Variants in SYT17 observed in about 807,000 individuals in gnomAD.
The protein encoded by SYT17 is synaptotagmin-17.
A neutral mutation model predicts 46.7 loss-of-function variants in SYT17; 22 were observed. The observed-to-expected ratio is 0.47, with a 90% confidence interval of 0.34 to 0.67. SYT17 has a LOEUF of 0.67. Ranked by LOEUF, SYT17 falls within the 30% of genes least tolerant of loss-of-function variation. The pLI is 0.01. For missense variants in SYT17, 519 were observed against 612.8 expected (o/e 0.85, Z 1.62); for synonymous variants, 251 against 248.4 (o/e 1.01, Z -0.10).
chr16:19,177,747 G>T (rs926489520), intron 3 of SYT17, among the ~76,000 whole-genome samples: 3 of 152,218 alleles, frequency 2.0e-5, no homozygotes, highest in Non-Finnish European at 4.4e-5. Context: ...GGCTGGGCTG[G>T]TGAAGATTAG....
At chr16:19,210,912 A>G (rs751066140) in intron 5 of SYT17, among the ~76,000 whole-genome samples, 8 of 152,210 alleles carry the variant, frequency 5.3e-5, no homozygotes, top group Non-Finnish European at 1.2e-4. Context: ...TCAGGAGGAG[A>G]GCTGGGCTCT....
intron 5 of SYT17, among the ~76,000 whole-genome samples, chr16:19,214,435 A>G (rs1966015307): frequency 6.6e-6 from 1 of 151,452 alleles, no homozygotes; most frequent in Non-Finnish European, 1.5e-5. Context: ...CCTGGGCTCA[A>G]TTGATCTTCC....
intron 5 of SYT17, among the ~76,000 whole-genome samples, chr16:19,222,137 G>T (rs978869400): frequency 3.3e-5 from 5 of 152,154 alleles, no homozygotes; most frequent in Non-Finnish European, 7.3e-5. Context: ...CATATCGAGG[G>T]CTTAGTTTAA....
chr16:19,248,343 C>T (rs1270839570), intron 7 of SYT17, among the ~76,000 whole-genome samples: 1 of 152,034 alleles, frequency 6.6e-6, no homozygotes, highest in African/African-American at 2.4e-5. Context: ...ATATATTTAC[C>T]ATCCAACCCA....
chr16:19,223,237 CT>C (rs2142869599), intron 6 of SYT17, 72 bp downstream of exon 6: 1 of 1,569,092 alleles, frequency 6.4e-7, no homozygotes. Flanking sequence ...ACCCAGTTTT[CT>C]TTTTCCGTAT....
chr16:19,174,154 T>G (rs1964219471), intron 3 of SYT17, among the ~76,000 whole-genome samples: 1 of 152,216 alleles, frequency 6.6e-6, no homozygotes, highest in African/African-American at 2.4e-5. Flanking sequence ...CAACGCTGTT[T>G]ATGTTCTCTC....
chr16:19,185,610 A>C (rs989865730), intron 5 of SYT17, among the ~76,000 whole-genome samples: 3 of 151,896 alleles, frequency 2.0e-5, no homozygotes, highest in Non-Finnish European at 1.5e-5. Flanking sequence ...CTCTTTAAAA[A>C]AAAAAAAAAG....
intron 5 of SYT17, among the ~76,000 whole-genome samples, chr16:19,188,535 A>AAAG (rs1045971387): frequency 4.0e-5 from 6 of 151,406 alleles, no homozygotes; most frequent in African/African-American, 9.7e-5. Context: ...AAAAAAAAAA[A>AAAG]AAAGAAAGAA....
Position 19,183,873 on chromosome 16 carries a change from A to G in SYT17, c.677A>G (p.His226Arg), listed in dbSNP as rs761401537. 1.1e-5 allele frequency: 17 copies of G among 1,614,044 alleles called. No individual in the cohort carries two copies. Among genetic ancestry groups the G allele is most frequent in the African/African-American group, 5.3e-5 (4 of 74,916 alleles). Residue 226 changes from histidine to arginine, a missense_variant, in exon 5 of 8, where the codon CAC becomes CGC. By Grantham distance (29) the His-to-Arg change is conservative. Coordinates refer to ENST00000355377, the MANE Select transcript of SYT17 (RefSeq NM_016524.4). This position sits in a 1 kb window ranked among gnomAD's most constrained non-coding sequence, Gnocchi z 5.6. ...GATGGCTCGCGCCAGGACATGGCGC[A>G]CTCCAACCCCTACGTCAAGATCTGT... ...SHDGSRQDMA[H>R]SNPYVKICLL...
At chr16:19,212,558 C>T (rs142161442) in intron 5 of SYT17, among the ~76,000 whole-genome samples, 2,333 of 152,112 alleles carry the variant, frequency 0.015, 26 homozygotes, top group Non-Finnish European at 0.025. Flanking sequence ...GAGGCAGAGG[C>T]GACAGTGAGC....
chr16:19,261,421 T>G (rs929848420), intron 7 of SYT17, among the ~76,000 whole-genome samples: 32 of 152,360 alleles, frequency 2.1e-4, no homozygotes, highest in African/African-American at 7.7e-4. Flanking sequence ...GCTCCCACCT[T>G]TCAAGGGCCA....
chr16:19,214,491 T>C (rs1462875457), intron 5 of SYT17, among the ~76,000 whole-genome samples: 1 of 152,174 alleles, frequency 6.6e-6, no homozygotes, highest in African/African-American at 2.4e-5. Context: ...TGAGCCACCA[T>C]GCTTGGCCCT....
At chr16:19,262,895 A>G (rs192158556) in intron 7 of SYT17, among the ~76,000 whole-genome samples, 7 of 152,186 alleles carry the variant, frequency 4.6e-5, no homozygotes, top group African/African-American at 1.4e-4. Context: ...GTAGCCTCCA[A>G]GGTGGGCTGA....
chr16:19,232,107 G>T (rs941617166), intron 7 of SYT17, among the ~76,000 whole-genome samples: 1 of 152,182 alleles, frequency 6.6e-6, no homozygotes, highest in African/African-American at 2.4e-5. Context: ...ACTTCAACCT[G>T]GGAGCTAAAA....
rs959811634 is a variant in SYT17 at position 19,224,748 on chromosome 16, T to G, written c.1138T>G (p.Leu380Val). The G allele has an allele frequency of 5.0e-6, 8 of 1,614,138 alleles. No individual in the cohort carries two copies. Among genetic ancestry groups the G allele is most frequent in the Non-Finnish European group, 6.8e-6 (8 of 1,179,988 alleles). Residue 380 changes from leucine to valine, a missense_variant, in exon 7 of 8, where the codon TTA becomes GTA. Physicochemically the swap from Leu to Val is conservative, Grantham distance 32 (BLOSUM62 1). Transcript: ENST00000355377. ...TGTGAAAACCAAGAAGACGTCCTTC[T>G]TAAGGGGCACAATTGATCCTTTCTA... ...KLVKTKKTSFLRGTIDPFYNE... is the reference protein window; with the variant it reads ...KLVKTKKTSFVRGTIDPFYNE...
rs1454321312 is a variant in SYT17, at chr16:19,267,344, G to A, written c.*268G>A. The A allele has an allele frequency of 8.8e-6, 3 of 342,036 alleles. No individual in the cohort carries two copies. The highest frequency in any genetic ancestry group is 5.3e-5 in the East Asian group (1 of 19,038). The allele number at this position is 342,036 out of a possible 1,614,324, so 21.2% of individuals were successfully genotyped here. On this transcript the variant is annotated 3_prime_UTR_variant, in exon 8 of 8. Transcript: ENST00000355377. ...GATCACAAGCTCAGTGGGCTCTGCCGTGGGACTTATTGGCAGTGCCTGCTC... is the reference window on the plus strand; with the variant it reads ...GATCACAAGCTCAGTGGGCTCTGCCATGGGACTTATTGGCAGTGCCTGCTC...
chr16:19,245,258 A>G (rs1967455045), intron 7 of SYT17, among the ~76,000 whole-genome samples: 1 of 152,118 alleles, frequency 6.6e-6, no homozygotes. Context: ...AGGCATTTTT[A>G]TTGTCACAGC....
intron 7 of SYT17, among the ~76,000 whole-genome samples, chr16:19,256,926 A>G (rs1968616048): frequency 6.6e-6 from 1 of 152,068 alleles, no homozygotes; most frequent in Admixed American, 6.6e-5. Context: ...TTGAGTTTCA[A>G]TTTCTACTAT....
intron 7 of SYT17, among the ~76,000 whole-genome samples, chr16:19,245,203 C>T (rs1346103862): frequency 6.6e-6 from 1 of 152,168 alleles, no homozygotes; most frequent in African/African-American, 2.4e-5. Context: ...TGGTTCTCAA[C>T]CTGGGGTGAC....
Sources: gnomAD v4.1 joint callset for allele counts (sites outside exome capture counted in the v4.1 genomes callset) on GRCh38, gnomAD v4.1.1 for gene constraint, Gnocchi (gnomAD v3.1) non-coding constraint, MANE v1.5 for transcripts, NCBI Gene and HGNC (gene_info 2026-07-23, HGNC 2026-07-21) for gene names.